EXOC4: variants seen among roughly 807,000 people sequenced by gnomAD.
EXOC4 encodes exocyst complex component 4.
EXOC4 carries 71 observed loss-of-function variants against 107.2 expected under a neutral mutation model. The observed-to-expected ratio is 0.66, with a 90% CI of 0.55 to 0.81. The LOEUF (loss-of-function observed/expected upper bound fraction) is 0.81, where lower values mean the gene tolerates loss of function less well. Ranked by LOEUF, EXOC4 falls within the 30% of genes least tolerant of loss-of-function variation. The probability of loss-of-function intolerance (pLI) is 0.00; values close to 1 mark genes in which losing one functional copy is unlikely to be tolerated. For missense variants in EXOC4, 1,108 were observed against 1,189.6 expected, an observed-to-expected ratio of 0.93 and a Z score of 1.01; for synonymous variants, 456 against 441.2, an observed-to-expected ratio of 1.03 and a Z score of -0.42.
intron 7 of EXOC4, among the ~76,000 whole-genome samples, chr7:133,406,360 A>G (rs149012949): frequency 3.9e-4 from 60 of 152,078 alleles, no homozygotes; most frequent in Admixed American, 7.2e-4. Flanking sequence ...TTTTTTTTGT[A>G]TTTATAACAC....
At chr7:133,867,863 A>G (rs898764084) in intron 11 of EXOC4, among the ~76,000 whole-genome samples, 2 of 152,168 alleles carry the variant, frequency 1.3e-5, no homozygotes, top group African/African-American at 2.4e-5. Flanking sequence ...GAAGATTATG[A>G]CTTGTGCACT....
chr7:133,971,363 G>T (rs191092319), intron 14 of EXOC4, among the ~76,000 whole-genome samples: 21,533 of 50,824 alleles, frequency 0.42, 2,707 homozygotes, highest in East Asian at 0.5. Flanking sequence ...TATATATATA[G>T]AGAGAGAGAG....
intron 9 of EXOC4, among the ~76,000 whole-genome samples, chr7:133,592,326 A>T (rs1801569088): frequency 6.6e-6 from 1 of 152,134 alleles, no homozygotes; most frequent in South Asian, 2.1e-4. Context: ...TTGGCCTCCC[A>T]CAATATGGAA....
intron 11 of EXOC4, among the ~76,000 whole-genome samples, chr7:133,832,295 A>G (rs1179169053): frequency 6.6e-6 from 1 of 152,218 alleles, no homozygotes; most frequent in Non-Finnish European, 1.5e-5. Context: ...CTAGGATTCC[A>G]TGATATCCCA....
chr7:133,561,816 C>T (rs1160652895), intron 9 of EXOC4, among the ~76,000 whole-genome samples: 2 of 152,182 alleles, frequency 1.3e-5, no homozygotes, highest in Non-Finnish European at 2.9e-5. Context: ...TGCGCGTGCC[C>T]CAAGATGGAA....
intron 9 of EXOC4, among the ~76,000 whole-genome samples, chr7:133,594,168 C>T (rs2150980949): frequency 6.6e-6 from 1 of 152,248 alleles, no homozygotes; most frequent in Middle Eastern, 3.4e-3. Flanking sequence ...CACTTTGATG[C>T]AAAGTATCTG....
chr7:133,467,712 C>T (rs548034944), intron 7 of EXOC4, among the ~76,000 whole-genome samples: 1 of 151,626 alleles, frequency 6.6e-6, no homozygotes, highest in African/African-American at 2.4e-5. Context: ...CTAAATTTTC[C>T]CATCACTATG....
At chr7:133,951,914 C>G (rs1029230881) in intron 14 of EXOC4, among the ~76,000 whole-genome samples, 2 of 152,190 alleles carry the variant, frequency 1.3e-5, no homozygotes, top group Admixed American at 1.3e-4. Context: ...AATCCTACCA[C>G]TCTGGGGGGC....
intron 10 of EXOC4, among the ~76,000 whole-genome samples, chr7:133,643,888 T>A (rs1354593036): frequency 6.6e-6 from 1 of 152,232 alleles, no homozygotes; most frequent in Non-Finnish European, 1.5e-5. Flanking sequence ...TATTGATGAC[T>A]ACTTCCTCTA....
intron 7 of EXOC4, among the ~76,000 whole-genome samples, chr7:133,388,307 A>G (rs1009307654): frequency 2.0e-5 from 3 of 152,224 alleles, no homozygotes; most frequent in African/African-American, 7.2e-5. Context: ...TGTTTTATCT[A>G]TATTTTAATA....
At chr7:133,672,931 G>A (rs1324959601) in intron 10 of EXOC4, among the ~76,000 whole-genome samples, 1 of 152,072 alleles carries the variant, frequency 6.6e-6, no homozygotes, top group Non-Finnish European at 1.5e-5. Context: ...TGGGTTACTC[G>A]ATTAGCCTTT....
At chr7:133,730,841 A>T (rs1449556279) in intron 10 of EXOC4, among the ~76,000 whole-genome samples, 1 of 152,162 alleles carries the variant, frequency 6.6e-6, no homozygotes, top group Non-Finnish European at 1.5e-5. Context: ...GATAAACACA[A>T]GTATGGTGCA....
At chr7:133,586,441 C>CT (rs928475079) in intron 9 of EXOC4, among the ~76,000 whole-genome samples, 4 of 152,128 alleles carry the variant, frequency 2.6e-5, no homozygotes, top group Non-Finnish European at 4.4e-5. Context: ...TGTGATCTTA[C>CT]TTTTTTTATT....
chr7:133,590,708 C>G lies in EXOC4; in HGVS notation c.1418-39337C>G, dbSNP rs183486583. ...GAACCTCTGGGGAAGACCACCTTTC[C>G]ACTGCATCCTCTTTCCAGCTCTCCA... On this transcript the variant is annotated intron_variant, in intron 9 of 17. Coordinates refer to ENST00000253861, the MANE Select transcript of EXOC4 (RefSeq NM_021807.4). Among the ~76,000 whole-genome samples the G allele has an allele frequency of 1.3e-4, 20 of 152,264 alleles. No individual in the cohort carries two copies. The East Asian group carries it at 3.3e-3, about 25-fold the overall frequency.
chr7:134,062,148 T>C (rs10280708), intron 17 of EXOC4, among the ~76,000 whole-genome samples: 4,874 of 152,306 alleles, frequency 0.032, 225 homozygotes, highest in African/African-American at 0.1. Context: ...GGATGCTGAC[T>C]GATTTGCTTG....
chr7:133,285,722 G>C (rs1330396293), intron 2 of EXOC4, among the ~76,000 whole-genome samples: 2 of 150,802 alleles, frequency 1.3e-5, no homozygotes, highest in Non-Finnish European at 3.0e-5. Flanking sequence ...CTCATGTTTT[G>C]GCATGTTCTG....
At chr7:133,482,918 C>T (rs112769132) in intron 9 of EXOC4, among the ~76,000 whole-genome samples, 127 of 152,228 alleles carry the variant, frequency 8.3e-4, no homozygotes, top group Middle Eastern at 3.4e-3. Flanking sequence ...AGGTATCGCT[C>T]ATTTGGATGG....
At chr7:133,286,312 A>G (rs1269880329) in intron 2 of EXOC4, among the ~76,000 whole-genome samples, 2 of 152,160 alleles carry the variant, frequency 1.3e-5, no homozygotes, top group Non-Finnish European at 2.9e-5. Flanking sequence ...CATTTCTTGA[A>G]AATGTTTATA....
chr7:133,285,258 A>G (rs767092206), intron 2 of EXOC4, among the ~76,000 whole-genome samples: 11 of 152,138 alleles, frequency 7.2e-5, no homozygotes, highest in Non-Finnish European at 1.6e-4. Flanking sequence ...TACTGATTGG[A>G]TAGTCCTGTT....
Sources: allele counts gnomAD v4.1 joint callset (sites outside exome capture counted in the v4.1 genomes callset), GRCh38; gene constraint gnomAD v4.1.1; transcripts MANE v1.5; gene names NCBI Gene and HGNC (gene_info 2026-07-23, HGNC 2026-07-21).